Variants in KIF27 observed in about 807,000 individuals in gnomAD.
The protein encoded by KIF27 is kinesin-like protein KIF27.
In KIF27, 84 loss-of-function variants were observed where a neutral mutation model predicts 141.8. That is an observed-to-expected ratio of 0.59 (90% CI 0.50 to 0.71). The LOEUF is 0.71. Among genes scored for constraint, KIF27 ranks in the 30% least tolerant of loss-of-function variants. The probability of loss-of-function intolerance (pLI) is 0.00; values close to 1 mark genes in which losing one functional copy is unlikely to be tolerated. For missense variants in KIF27, 1,306 were observed against 1,628.4 expected (o/e 0.80, Z 3.41); for synonymous variants, 471 against 569.5 (o/e 0.83, Z 2.46).
In KIF27 at chr9:83,903,875, T is replaced by C. The variant is rs1392092015; in HGVS notation, c.643A>G (p.Ile215Val). 6.2e-6 allele frequency: 10 copies of C among 1,614,192 alleles called. No homozygotes were observed. Among genetic ancestry groups the C allele is most frequent in the Middle Eastern group, 1.6e-4 (1 of 6,062 alleles). Residue 215 changes from isoleucine to valine, a missense_variant, in exon 4 of 18, where the codon ATT (isoleucine) becomes GTT (valine). This residue lies in a region of KIF27 where 533 missense variants were observed against 565.6 expected (regional missense o/e 0.94). Transcript: ENST00000297814. ...SRSHAIFTIS[I>V]CQVHKNMEAA... ...TCCATATTTTTATGAACTTGACAAA[T>C]GCTGATTGTAAAAATTGCATGTGAT...
chr9:83,849,314 G>C (rs1380646729), intron 16 of KIF27: 4 of 152,178 alleles, frequency 2.6e-5, no homozygotes, highest in Non-Finnish European at 5.9e-5. Flanking sequence ...AATTAACTTA[G>C]AAGCAAATTG....
chr9:83,899,868 T>C (rs1363927555), intron 4 of KIF27, 64 bp from the exon 5 acceptor site: 2 of 1,397,988 alleles, frequency 1.4e-6, no homozygotes, highest in East Asian at 2.3e-5. Flanking sequence ...CCCCATATGA[T>C]AACACAAAAA....
intron 17 of KIF27, among the ~76,000 whole-genome samples, chr9:83,841,793 A>C (rs191763267): frequency 4.0e-4 from 61 of 152,312 alleles, no homozygotes; most frequent in Non-Finnish European, 1.3e-4. Flanking sequence ...TCTTTGTCTC[A>C]AAAATAGGTT....
rs1954155586 is a variant in KIF27, at chr9:83,903,524, G to C, written c.994C>G (p.Leu332Val). The part of the protein sequence containing the change: ...SSNFDESLNS[L>V]KYANRARNIR... ...TTCCGTGCTCTGTTGGCATATTTGA[G>C]AGAATTTAAGGACTCATCAAAATTC... The change falls in exon 4 of 18, where the codon CTC becomes GTC. Residue 332 changes from leucine to valine, a missense_variant. Physicochemically the swap from Leu to Val is conservative, Grantham distance 32. Transcript: ENST00000297814. 1 of 1,614,106 alleles carries C rather than the reference G, an allele frequency of 6.2e-7. No individual in the cohort carries two copies. The highest frequency in any genetic ancestry group is 8.5e-7 in the Non-Finnish European group (1 of 1,180,002).
intron 16 of KIF27, among the ~76,000 whole-genome samples, chr9:83,845,738 C>G (rs1287887524): frequency 1.3e-5 from 2 of 152,124 alleles, no homozygotes; most frequent in Admixed American, 6.6e-5. Context: ...GCCAGATATG[C>G]GGTTATATAC....
At chr9:83,882,907 A>G (rs1033152614) in intron 10 of KIF27, among the ~76,000 whole-genome samples, 1 of 152,116 alleles carries the variant, frequency 6.6e-6, no homozygotes, top group African/African-American at 2.4e-5. Context: ...TTAGGTAACA[A>G]TTTTTAGTGG....
intron 1 of KIF27, among the ~76,000 whole-genome samples, chr9:83,920,606 T>TG (rs1956158226): frequency 6.6e-6 from 1 of 152,090 alleles, no homozygotes; most frequent in South Asian, 2.1e-4. Context: ...TGCCAGTAGA[T>TG]GGACAGTAAA....
chr9:83,920,514 G>A (rs975049272), intron 1 of KIF27, among the ~76,000 whole-genome samples: 1 of 152,122 alleles, frequency 6.6e-6, no homozygotes, highest in African/African-American at 2.4e-5. Flanking sequence ...TCCAAAAACC[G>A]TTGCCATCCC....
At chr9:83,839,827 C>A (rs958588126) in intron 17 of KIF27, among the ~76,000 whole-genome samples, 1 of 152,132 alleles carries the variant, frequency 6.6e-6, no homozygotes, top group African/African-American at 2.4e-5. Flanking sequence ...CCTGTAATCC[C>A]AGCTACTGAG....
chr9:83,854,244 C>T (rs994103618), intron 14 of KIF27, among the ~76,000 whole-genome samples: 1 of 152,314 alleles, frequency 6.6e-6, no homozygotes, highest in Middle Eastern at 3.4e-3. Flanking sequence ...CCCTAAAGTG[C>T]ATATTGTGTG....
Position 83,835,748 on chromosome 9 carries a change from G to T in KIF27, c.*1253C>A, listed in dbSNP as rs1235681372. ...ATCAGAAAAAAATGGATTCAGCAAG[G>T]AAGTGGGTGACTCTGAGTAAGCATC... On this transcript the variant is annotated 3_prime_UTR_variant, in exon 18 of 18. Transcript: ENST00000297814. The T allele has an allele frequency of 2.0e-5, 3 of 152,204 alleles. No homozygotes were observed. Among genetic ancestry groups the T allele is most frequent in the Non-Finnish European group, 4.4e-5 (3 of 68,044 alleles). The allele number at this position is 152,204 out of a possible 1,614,324, so 9.4% of individuals were successfully genotyped here.
At chr9:83,908,758 CTTT>C (rs11364843) in intron 2 of KIF27, 106 bp from the exon 3 acceptor site, 127 of 461,558 alleles carry the variant, frequency 2.8e-4, no homozygotes, top group Middle Eastern at 5.7e-4. Flanking sequence ...TATATTATAA[CTTT>C]TTTTTTTTTT....
intron 13 of KIF27, among the ~76,000 whole-genome samples, chr9:83,862,812 G>A (rs1346157530): frequency 1.3e-4 from 20 of 152,244 alleles, no homozygotes; most frequent in Admixed American, 3.9e-4. Flanking sequence ...CATGAGCATG[G>A]AATATTCTTC....
At chr9:83,866,118 G>C (rs574651385) in intron 13 of KIF27, among the ~76,000 whole-genome samples, 1 of 152,198 alleles carries the variant, frequency 6.6e-6, no homozygotes, top group South Asian at 2.1e-4. Flanking sequence ...ATCGGTCCCA[G>C]AGTAAGAAAA....
At chr9:83,856,906 C>CAAAAA (rs573136318) in intron 14 of KIF27, among the ~76,000 whole-genome samples, 2 of 76,284 alleles carry the variant, frequency 2.6e-5, no homozygotes, top group African/African-American at 8.9e-5. Flanking sequence ...GACTCCATCT[C>CAAAAA]AAAAAAAAAA....
At position 83,899,780 on chromosome 9, in the gene KIF27, C is replaced by A. The variant is rs1953668210; in HGVS notation, c.1483G>T (p.Val495Leu). The A allele has an allele frequency of 6.2e-7, 1 of 1,612,850 alleles. No individual in the cohort carries two copies. The highest frequency in any genetic ancestry group is 8.5e-7 in the Non-Finnish European group (1 of 1,179,364). ...CQCVLAADEVVFNQKELEVKE... is the reference protein window; with the variant it reads ...CQCVLAADEVLFNQKELEVKE... ...ACCTCCAGTTCCTTCTGATTAAATA[C>A]TACTTCATCAGCAGCAAGCACACAC... Residue 495 changes from valine to leucine, a missense_variant, in exon 5 of 18, where the codon GTA becomes TTA. Val to Leu is a conservative substitution (Grantham distance 32). This residue lies in a region of KIF27 where 29 missense variants were observed against 60.3 expected (regional missense o/e 0.48). Transcript: ENST00000297814.
intron 11 of KIF27, among the ~76,000 whole-genome samples, chr9:83,877,193 CT>C (rs1032396040): frequency 1.3e-5 from 2 of 151,232 alleles, no homozygotes; most frequent in African/African-American, 2.4e-5. Flanking sequence ...AGCATTTTGG[CT>C]TTTTTTTTGT....
intron 14 of KIF27, among the ~76,000 whole-genome samples, chr9:83,856,833 C>T (rs2131811302): frequency 6.7e-6 from 1 of 150,170 alleles, no homozygotes; most frequent in African/African-American, 2.5e-5. Flanking sequence ...TTGCTTGAAC[C>T]CAGGAGATGG....
At chr9:83,873,518 C>T (rs1298645928) in intron 11 of KIF27, among the ~76,000 whole-genome samples, 4 of 152,148 alleles carry the variant, frequency 2.6e-5, no homozygotes, top group African/African-American at 4.8e-5. Flanking sequence ...GAGAAGTGCA[C>T]TCACAAAGAA....
Sources: gnomAD v4.1 joint callset for allele counts (sites outside exome capture counted in the v4.1 genomes callset) on GRCh38, gnomAD v4.1.1 for gene constraint, gnomAD v4.1.1 regional missense constraint, MANE v1.5 for transcripts, NCBI Gene and HGNC (gene_info 2026-07-23, HGNC 2026-07-21) for gene names.